Variants in DPP10 observed in about 807,000 individuals in gnomAD.
The protein encoded by DPP10 is inactive dipeptidyl peptidase 10.
A neutral mutation model predicts 120.9 loss-of-function variants in DPP10; 33 were observed. The observed-to-expected ratio is 0.27, with a 90% confidence interval of 0.21 to 0.37. The LOEUF (loss-of-function observed/expected upper bound fraction) is 0.37. DPP10 is among the 10% of genes least tolerant of loss of function. DPP10 has a pLI of 1.00. For missense variants in DPP10, 816 were observed against 942.8 expected, an observed-to-expected ratio of 0.87 and a Z score of 1.76; for synonymous variants, 337 against 326.1, an observed-to-expected ratio of 1.03 and a Z score of -0.36.
At chr2:115,250,339 A>C (rs1309998752) in intron 1 of DPP10, among the ~76,000 whole-genome samples, 1 of 152,198 alleles carries the variant, frequency 6.6e-6, no homozygotes, top group Non-Finnish European at 1.5e-5. Context: ...TCCGAACTGA[A>C]ATACAAATGC....
At chr2:114,729,310 A>G (rs1334919553) in intron 1 of DPP10, among the ~76,000 whole-genome samples, 2 of 152,228 alleles carry the variant, frequency 1.3e-5, no homozygotes, top group African/African-American at 4.8e-5. Context: ...TGGAGACAGA[A>G]TAAGCCATTT....
chr2:115,497,036 C>A (rs1021545221), intron 3 of DPP10, among the ~76,000 whole-genome samples: 1 of 152,012 alleles, frequency 6.6e-6, no homozygotes, highest in Non-Finnish European at 1.5e-5. Context: ...GTCTGAAAAT[C>A]ATCTCAGAAG....
At chr2:115,590,768 G>T (rs2082609899) in intron 5 of DPP10, among the ~76,000 whole-genome samples, 1 of 152,192 alleles carries the variant, frequency 6.6e-6, no homozygotes, top group East Asian at 1.9e-4. Context: ...GGTTGAATTA[G>T]TTTAAAGTCC....
At chr2:114,585,005 G>A (rs192455021) in intron 1 of DPP10, among the ~76,000 whole-genome samples, 24 of 152,250 alleles carry the variant, frequency 1.6e-4, no homozygotes, top group African/African-American at 5.8e-4. Flanking sequence ...GAAAGCTTGT[G>A]TTAGCTTTTT....
intron 1 of DPP10, chr2:115,161,969 A>T (rs1380025969): frequency 7.0e-7 from 1 of 1,425,760 alleles, no homozygotes; most frequent in South Asian, 1.4e-5. Flanking sequence ...GACGGCCGCG[A>T]AGCAGGAGCC....
At chr2:115,759,739 G>A (rs1010213489) in intron 11 of DPP10, among the ~76,000 whole-genome samples, 3 of 151,628 alleles carry the variant, frequency 2.0e-5, no homozygotes, top group African/African-American at 7.3e-5. Context: ...GGCTGGGCAC[G>A]GTGGCTCATG....
intron 1 of DPP10, among the ~76,000 whole-genome samples, chr2:114,607,309 G>C (rs183120456): frequency 6.6e-6 from 1 of 152,274 alleles, no homozygotes; most frequent in Non-Finnish European, 1.5e-5. Context: ...TGTGTGGATA[G>C]ATACAACTGA....
intron 3 of DPP10, among the ~76,000 whole-genome samples, chr2:115,346,056 C>T (rs540805716): frequency 1.3e-5 from 2 of 152,154 alleles, no homozygotes; most frequent in Non-Finnish European, 2.9e-5. Flanking sequence ...ATTGAAGGAA[C>T]TGTCTCAATG....
chr2:115,583,558 A>G (rs2149136651), intron 5 of DPP10, among the ~76,000 whole-genome samples: 1 of 152,248 alleles, frequency 6.6e-6, no homozygotes, highest in South Asian at 2.1e-4. Context: ...TTGTGATATG[A>G]TGATTTCAAA....
chr2:114,770,989 A>G (rs1681198668), intron 1 of DPP10, among the ~76,000 whole-genome samples: 1 of 152,210 alleles, frequency 6.6e-6, no homozygotes. Flanking sequence ...CAGATACACT[A>G]AAACACTTTG....
chr2:115,592,987 A>G (rs970224667), intron 5 of DPP10, among the ~76,000 whole-genome samples: 4 of 152,140 alleles, frequency 2.6e-5, no homozygotes, highest in African/African-American at 4.8e-5. Context: ...ACTTAAAACA[A>G]TTTTTACACA....
chr2:114,887,877 C>G (rs1043291604), intron 1 of DPP10, among the ~76,000 whole-genome samples: 1 of 152,154 alleles, frequency 6.6e-6, no homozygotes, highest in Non-Finnish European at 1.5e-5. Flanking sequence ...AGGTGGCTCA[C>G]GCCTGTTATT....
chr2:115,392,844 A>G (rs935584672), intron 3 of DPP10, among the ~76,000 whole-genome samples: 2 of 152,084 alleles, frequency 1.3e-5, no homozygotes, highest in African/African-American at 4.8e-5. Context: ...TTTTCTTTCT[A>G]TGAAGATCTT....
chr2:114,747,512 G>A (rs554002168), intron 1 of DPP10, among the ~76,000 whole-genome samples: 1 of 152,286 alleles, frequency 6.6e-6, no homozygotes, highest in Non-Finnish European at 1.5e-5. Flanking sequence ...GCATACACAT[G>A]TATGTATGGC....
chr2:115,582,428 A>G (rs1258260333), intron 5 of DPP10, among the ~76,000 whole-genome samples: 2 of 152,178 alleles, frequency 1.3e-5, no homozygotes, highest in African/African-American at 4.8e-5. Flanking sequence ...CACCAGCTTC[A>G]GGTGTTTCCC....
intron 1 of DPP10, among the ~76,000 whole-genome samples, chr2:115,213,287 G>A (rs1243914474): frequency 6.6e-6 from 1 of 152,064 alleles, no homozygotes; most frequent in East Asian, 1.9e-4. Flanking sequence ...TTCTCGGATA[G>A]CACTAATTTA....
chr2:115,616,240 C>T (rs1404503374), intron 5 of DPP10, among the ~76,000 whole-genome samples: 2 of 151,954 alleles, frequency 1.3e-5, no homozygotes, highest in Non-Finnish European at 2.9e-5. Flanking sequence ...AATAAATATT[C>T]ACTGAATGAT....
At chr2:115,052,809 G>A (rs910300585) in intron 1 of DPP10, among the ~76,000 whole-genome samples, 8 of 152,102 alleles carry the variant, frequency 5.3e-5, no homozygotes, top group Middle Eastern at 3.4e-3. Context: ...AAAATTAGCC[G>A]GACGCGGTGG....
chr2:115,790,841 T>C (rs558134122), intron 17 of DPP10, among the ~76,000 whole-genome samples: 2 of 152,294 alleles, frequency 1.3e-5, no homozygotes, highest in South Asian at 2.1e-4. Flanking sequence ...GTTAACAATA[T>C]GATCAGATTT....
Sources: gnomAD v4.1 joint callset for allele counts (sites outside exome capture counted in the v4.1 genomes callset) on GRCh38, gnomAD v4.1.1 for gene constraint, MANE v1.5 for transcripts, NCBI Gene and HGNC (gene_info 2026-07-23, HGNC 2026-07-21) for gene names.